FRMD4B: variants seen among roughly 807,000 people sequenced by gnomAD.
The protein encoded by FRMD4B is FERM domain-containing protein 4B.
A neutral mutation model predicts 141.5 loss-of-function variants in FRMD4B; 74 were observed. The observed-to-expected ratio is 0.52, with a 90% confidence interval of 0.43 to 0.63. FRMD4B has a LOEUF of 0.63. FRMD4B is among the 30% of genes least tolerant of loss of function. The pLI is 0.00. For missense variants in FRMD4B, 1,366 were observed against 1,253.4 expected, an observed-to-expected ratio of 1.09 and a Z score of -1.36; for synonymous variants, 506 against 467.9, an observed-to-expected ratio of 1.08 and a Z score of -1.05.
intron 1 of FRMD4B, among the ~76,000 whole-genome samples, chr3:69,519,217 C>T (rs1428600390): frequency 6.6e-6 from 1 of 152,120 alleles, no homozygotes; most frequent in Non-Finnish European, 1.5e-5. Flanking sequence ...AAAGGCAAGC[C>T]ATTAGACAAA....
chr3:69,192,085 T>G (rs2092843888), intron 17 of FRMD4B, among the ~76,000 whole-genome samples: 1 of 152,170 alleles, frequency 6.6e-6, no homozygotes, highest in Admixed American at 6.5e-5. Flanking sequence ...CCATCTAGTG[T>G]GTTAAGAACT....
intron 2 of FRMD4B, among the ~76,000 whole-genome samples, chr3:69,400,274 C>T (rs919032644): frequency 2.0e-5 from 3 of 151,854 alleles, no homozygotes; most frequent in African/African-American, 7.3e-5. Flanking sequence ...ATAGTCCTAG[C>T]TACTTGAGAA....
intron 5 of FRMD4B, among the ~76,000 whole-genome samples, chr3:69,274,458 G>T (rs971053676): frequency 2.0e-5 from 3 of 152,090 alleles, no homozygotes; most frequent in Non-Finnish European, 2.9e-5. Flanking sequence ...AAGTCTTGTT[G>T]ATTTCACATT....
At chr3:69,257,834 G>A (rs1458173467) in intron 5 of FRMD4B, among the ~76,000 whole-genome samples, 1 of 150,410 alleles carries the variant, frequency 6.6e-6, no homozygotes, top group Non-Finnish European at 1.5e-5. Context: ...GCTAATTTTT[G>A]TTTTGTTTTT....
intron 5 of FRMD4B, among the ~76,000 whole-genome samples, chr3:69,266,059 A>G (rs2093560256): frequency 6.6e-6 from 1 of 151,822 alleles, no homozygotes; most frequent in Admixed American, 6.6e-5. Context: ...TAAATTATCC[A>G]GATGTGATGG....
At chr3:69,235,499 A>G (rs1452002890) in intron 7 of FRMD4B, among the ~76,000 whole-genome samples, 2 of 151,752 alleles carry the variant, frequency 1.3e-5, no homozygotes, top group Non-Finnish European at 2.9e-5. Context: ...TCTCTACTAA[A>G]AATACAAAAA....
At chr3:69,455,742 C>T (rs4530532) in intron 1 of FRMD4B, among the ~76,000 whole-genome samples, 101,321 of 152,088 alleles carry the variant, frequency 0.67, 34,412 homozygotes, top group East Asian at 0.83. Flanking sequence ...GTTTTAACTA[C>T]GAATTTTATG....
intron 1 of FRMD4B, among the ~76,000 whole-genome samples, chr3:69,479,933 C>G (rs1362959558): frequency 6.6e-6 from 1 of 152,052 alleles, no homozygotes; most frequent in African/African-American, 2.4e-5. Flanking sequence ...TCTAAACTTC[C>G]CTTCTCGCTT....
chr3:69,181,301 A>T lies in FRMD4B; in HGVS notation c.2449T>A (p.Phe817Ile). Residue 817 changes from phenylalanine (F) to isoleucine (I), a missense_variant, in exon 21 of 23, where the codon TTT becomes ATT. By Grantham distance (21) the Phe-to-Ile change is conservative. Coordinates refer to ENST00000398540, the MANE Select transcript of FRMD4B (RefSeq NM_015123.3). ...AGYTPYAECDFYYSGGYVYEN... is the reference protein window; with the variant it reads ...AGYTPYAECDIYYSGGYVYEN... ...TAGACATAACCACCACTGTAATAAAAGTCACACTCTGCATAGGGTGTGTAC... is the reference window on the plus strand; with the variant it reads ...TAGACATAACCACCACTGTAATAAATGTCACACTCTGCATAGGGTGTGTAC... The T allele has an allele frequency of 6.2e-7, 1 of 1,613,940 alleles. No homozygotes were observed. Among genetic ancestry groups the T allele is most frequent in the Non-Finnish European group, 8.5e-7 (1 of 1,179,868 alleles).
At chr3:69,327,278 A>T (rs1192654845) in intron 1 of FRMD4B, among the ~76,000 whole-genome samples, 2 of 152,234 alleles carry the variant, frequency 1.3e-5, no homozygotes, top group Non-Finnish European at 2.9e-5. Flanking sequence ...CGTCTTTCAA[A>T]GACTTAAAAG....
In FRMD4B at chr3:69,365,124, C is replaced by A. The variant is rs56114423; in HGVS notation, c.162+20704G>T. Reference sequence around the variant, plus strand: ...TATCTTTATGGCACTTGGGTTTTAACCAGCAATGCTCTATATAAACCTATT... The same window carrying A: ...TATCTTTATGGCACTTGGGTTTTAAACAGCAATGCTCTATATAAACCTATT... On this transcript the variant is annotated intron_variant, in intron 1 of 22. Transcript: ENST00000398540. 6.5e-3 allele frequency among the ~76,000 whole-genome samples: 993 copies of A among 152,260 alleles called. 14 individuals carry two copies. The highest frequency in any genetic ancestry group is 0.023 in the African/African-American group (970 of 41,552).
At chr3:69,512,694 C>T (rs1045711790) in intron 1 of FRMD4B, among the ~76,000 whole-genome samples, 1 of 152,154 alleles carries the variant, frequency 6.6e-6, no homozygotes, top group Non-Finnish European at 1.5e-5. Context: ...CAAACTCAGA[C>T]ACATGAACAC....
intron 19 of FRMD4B, among the ~76,000 whole-genome samples, chr3:69,185,778 A>G (rs1208154458): frequency 6.6e-6 from 1 of 152,214 alleles, no homozygotes. Context: ...GTAGTGACTC[A>G]TGCCTGTAAT....
chr3:69,512,913 C>T (rs942002953), intron 1 of FRMD4B, among the ~76,000 whole-genome samples: 2 of 151,908 alleles, frequency 1.3e-5, no homozygotes, highest in Non-Finnish European at 2.9e-5. Flanking sequence ...GCAGTGAAAG[C>T]AGTCATAAGA....
At chr3:69,541,818 A>G (rs944305176) in intron 1 of FRMD4B, among the ~76,000 whole-genome samples, 2 of 144,640 alleles carry the variant, frequency 1.4e-5, no homozygotes, top group Non-Finnish European at 3.0e-5. Flanking sequence ...GCCTTTTAGA[A>G]GTATCTCTGG....
intron 12 of FRMD4B, 58 bp from the exon 13 acceptor site, chr3:69,197,096 T>C (rs2092915077): frequency 2.8e-6 from 4 of 1,436,302 alleles, no homozygotes; most frequent in African/African-American, 1.4e-5. Context: ...TGATGCAAAA[T>C]GTACCCTGCG....
intron 4 of FRMD4B, among the ~76,000 whole-genome samples, chr3:69,296,651 G>C (rs1443215735): frequency 1.3e-5 from 2 of 152,190 alleles, no homozygotes; most frequent in East Asian, 3.8e-4. Context: ...CTCAGCCTAA[G>C]TAGGAGAATC....
At chr3:69,296,287 T>A (rs1701032583) in intron 4 of FRMD4B, among the ~76,000 whole-genome samples, 1 of 152,176 alleles carries the variant, frequency 6.6e-6, no homozygotes, top group African/African-American at 2.4e-5. Context: ...ACTGAAAGGT[T>A]TGCAAGGGGA....
intron 5 of FRMD4B, among the ~76,000 whole-genome samples, chr3:69,269,058 A>G (rs2093582386): frequency 6.6e-6 from 1 of 151,230 alleles, no homozygotes; most frequent in African/African-American, 2.5e-5. Context: ...CCTCACGAGT[A>G]GCTGGGATTA....
Sources: allele counts gnomAD v4.1 joint callset (sites outside exome capture counted in the v4.1 genomes callset), GRCh38; gene constraint gnomAD v4.1.1; transcripts MANE v1.5; gene names NCBI Gene and HGNC (gene_info 2026-07-23, HGNC 2026-07-21).